ZDHHC14: variants seen among roughly 807,000 people sequenced by gnomAD.
The protein encoded by ZDHHC14 is zDHHC palmitoyltransferase 14, also known as palmitoyltransferase ZDHHC14.
ZDHHC14 carries 16 observed loss-of-function variants against 47.7 expected under a neutral mutation model. The observed-to-expected ratio is 0.34, with a 90% confidence interval of 0.23 to 0.51. The LOEUF (loss-of-function observed/expected upper bound fraction) is 0.51, where lower values mean the gene tolerates loss of function less well. Ranked by LOEUF, ZDHHC14 falls within the 20% of genes least tolerant of loss-of-function variation. The probability of loss-of-function intolerance (pLI) is 0.97; values close to 1 mark genes in which losing one functional copy is unlikely to be tolerated. For synonymous variants in ZDHHC14, 293 were observed against 278.9 expected, an observed-to-expected ratio of 1.05 and a Z score of -0.50; for missense variants, 515 against 662.5, an observed-to-expected ratio of 0.78 and a Z score of 2.44.
intron 1 of ZDHHC14, among the ~76,000 whole-genome samples, chr6:157,503,505 TG>T (rs924085915): frequency 3.3e-5 from 5 of 152,162 alleles, no homozygotes; most frequent in African/African-American, 1.2e-4. Context: ...TGCTGTTTAA[TG>T]GGGGTGGAGT....
chr6:157,636,199 A>AAC lies in ZDHHC14; in HGVS notation c.752+3335_752+3336dup, dbSNP rs200065831. On this transcript the variant is annotated intron_variant, in intron 5 of 8. Transcript: ENST00000359775. ...TCGCACAGGTCACTTGATGGATTTA[A>AAC]ACACACACACACACACACAGCGCTG... Among the ~76,000 whole-genome samples, 242 of 150,848 alleles carry AAC rather than the reference A, an allele frequency of 1.6e-3. 1 individual carries two copies. The highest frequency in any genetic ancestry group is 0.014 in the South Asian group (69 of 4,770).
At chr6:157,597,335 G>A (rs989241934) in intron 3 of ZDHHC14, among the ~76,000 whole-genome samples, 5 of 152,138 alleles carry the variant, frequency 3.3e-5, no homozygotes, top group African/African-American at 7.2e-5. Context: ...TGCTGCCCTC[G>A]TTTTTCTGAT....
At chr6:157,631,581 C>T (rs1177861476) in intron 4 of ZDHHC14, 2 of 152,152 alleles carry the variant, frequency 1.3e-5, no homozygotes, top group Non-Finnish European at 2.9e-5. Flanking sequence ...CTGAGTCTCT[C>T]TGTGGGATCC....
At chr6:157,488,062 A>C (rs370835757) in intron 1 of ZDHHC14, among the ~76,000 whole-genome samples, 4 of 152,252 alleles carry the variant, frequency 2.6e-5, no homozygotes, top group Admixed American at 1.3e-4. Flanking sequence ...TGAGAATCCA[A>C]GCCATCCCTC....
Position 157,673,951 on chromosome 6 carries a change from G to C in ZDHHC14, c.*829G>C, listed in dbSNP as rs941481933. ...ACGTCCTCTGTTATTTTGGATCTGC[G>C]TACGGTTATCCTTAATAGCATAAAT... On this transcript the variant is annotated 3_prime_UTR_variant, in exon 9 of 9. Transcript: ENST00000359775. This position sits in a 1 kb window ranked among gnomAD's most constrained non-coding sequence, Gnocchi z 5.4. 1 of 152,598 alleles carries C rather than the reference G, an allele frequency of 6.6e-6. No homozygotes were observed. Among genetic ancestry groups the C allele is most frequent in the Non-Finnish European group, 1.5e-5 (1 of 68,034 alleles). The allele number at this position is 152,598 out of a possible 1,614,324, so 9.5% of individuals were successfully genotyped here.
chr6:157,583,907 C>T (rs111962583), intron 2 of ZDHHC14, among the ~76,000 whole-genome samples: 4,135 of 135,246 alleles, frequency 0.031, 190 homozygotes, highest in African/African-American at 0.11. Flanking sequence ...TCAATCATTG[C>T]GATTGGCCTG....
At chr6:157,530,372 G>A (rs572478283) in intron 1 of ZDHHC14, among the ~76,000 whole-genome samples, 2 of 152,292 alleles carry the variant, frequency 1.3e-5, no homozygotes, top group East Asian at 3.9e-4. Context: ...GATAATAGTC[G>A]ATACCACGGG....
At chr6:157,628,030 G>A (rs1213294545) in intron 3 of ZDHHC14, among the ~76,000 whole-genome samples, 3 of 152,194 alleles carry the variant, frequency 2.0e-5, no homozygotes, top group Non-Finnish European at 4.4e-5. Context: ...ATGCAAAGAA[G>A]TTTCTTTTAC....
chr6:157,475,097 A>G (rs1460722465), intron 1 of ZDHHC14, among the ~76,000 whole-genome samples: 4 of 152,284 alleles, frequency 2.6e-5, no homozygotes, highest in Non-Finnish European at 4.4e-5. Flanking sequence ...ATTCATGTGT[A>G]TGTACATATC....
chr6:157,611,814 C>T (rs146388336), intron 3 of ZDHHC14, among the ~76,000 whole-genome samples: 19 of 152,216 alleles, frequency 1.2e-4, no homozygotes, highest in African/African-American at 3.6e-4. Context: ...TCTTTTTGAC[C>T]GGCTCCGTCC....
intron 7 of ZDHHC14, among the ~76,000 whole-genome samples, chr6:157,651,553 G>A (rs1029455029): frequency 1.1e-4 from 15 of 140,178 alleles, no homozygotes; most frequent in African/African-American, 2.4e-4. Context: ...AGTTCAACCC[G>A]TGACGTTCCC....
At chr6:157,568,137 A>T (rs1434048047) in intron 2 of ZDHHC14, among the ~76,000 whole-genome samples, 1 of 152,246 alleles carries the variant, frequency 6.6e-6, no homozygotes, top group African/African-American at 2.4e-5. Flanking sequence ...GAAATACTTC[A>T]TTGACATCTA....
intron 1 of ZDHHC14, among the ~76,000 whole-genome samples, chr6:157,537,458 G>T (rs996894474): frequency 1.2e-4 from 18 of 152,202 alleles, no homozygotes; most frequent in Non-Finnish European, 2.4e-4. Context: ...ATTGGAGGGA[G>T]AGTTCTGTAA....
At chr6:157,409,211 A>G (rs916512834) in intron 1 of ZDHHC14, among the ~76,000 whole-genome samples, 1 of 152,210 alleles carries the variant, frequency 6.6e-6, no homozygotes, top group Non-Finnish European at 1.5e-5. Flanking sequence ...TTGAGGAACA[A>G]CTAGCACTTT....
chr6:157,632,983 C>T, intron 5 of ZDHHC14, 101 bp downstream of exon 5: 1 of 1,246,474 alleles, frequency 8.0e-7, no homozygotes, highest in Non-Finnish European at 1.2e-6. Flanking sequence ...GGCCTTGCTT[C>T]TCATGTATCT....
At chr6:157,539,668 C>G (rs1429456039) in intron 1 of ZDHHC14, among the ~76,000 whole-genome samples, 1 of 152,150 alleles carries the variant, frequency 6.6e-6, no homozygotes, top group South Asian at 2.1e-4. Flanking sequence ...GTTTAACCAT[C>G]TCCTAGACCC....
chr6:157,616,244 A>G (rs568559168), intron 3 of ZDHHC14, among the ~76,000 whole-genome samples: 1 of 152,116 alleles, frequency 6.6e-6, no homozygotes, highest in East Asian at 1.9e-4. Context: ...AAGACAGGAG[A>G]GATCAGAGAG....
intron 1 of ZDHHC14, among the ~76,000 whole-genome samples, chr6:157,446,650 T>C (rs1778676536): frequency 6.6e-6 from 1 of 151,732 alleles, no homozygotes; most frequent in Admixed American, 6.6e-5. Flanking sequence ...CCTCAGGTGA[T>C]CCACCCGCCT....
At chr6:157,603,295 C>T (rs1344286735) in intron 3 of ZDHHC14, among the ~76,000 whole-genome samples, 1 of 152,190 alleles carries the variant, frequency 6.6e-6, no homozygotes, top group Non-Finnish European at 1.5e-5. Flanking sequence ...GAGTTTTCCA[C>T]GTAGTTATGA....
Sources: gnomAD v4.1 joint callset for allele counts (sites outside exome capture counted in the v4.1 genomes callset) on GRCh38, gnomAD v4.1.1 for gene constraint, Gnocchi (gnomAD v3.1) non-coding constraint, MANE v1.5 for transcripts, NCBI Gene and HGNC (gene_info 2026-07-23, HGNC 2026-07-21) for gene names.